The following CYYR1 variants were observed in gnomAD, a reference collection of about 807,000 sequenced individuals.
The protein encoded by CYYR1 is cysteine and tyrosine-rich protein 1.
In CYYR1, 14 loss-of-function variants were observed where a neutral mutation model predicts 15.2. That is an observed-to-expected ratio of 0.92 (90% confidence interval 0.61 to 1.44). CYYR1 has a LOEUF of 1.44. Among genes scored for constraint, CYYR1 ranks in the 40% most tolerant of loss-of-function variants. CYYR1 has a pLI of 0.00. For missense variants in CYYR1, 228 were observed against 209.5 expected, an observed-to-expected ratio of 1.09 and a Z score of -0.54; for synonymous variants, 80 against 77.4, an observed-to-expected ratio of 1.03 and a Z score of -0.18.
intron 2 of CYYR1, among the ~76,000 whole-genome samples, chr21:26,481,664 AT>A (rs2065182728): frequency 6.6e-6 from 1 of 151,872 alleles, no homozygotes. Context: ...TGTCTTTTCT[AT>A]TGTGAACAGT....
chr21:26,573,102 G>A lies in CYYR1; in HGVS notation c.-162C>T. On this transcript the variant is annotated 5_prime_UTR_variant, in exon 1 of 4. Transcript: ENST00000652641. ...AGCCTTCCAAGGGAGCCCGGGCCGG[G>A]CGCGTCCCGGGCCAGCGACTGCGGG... 6.6e-7 allele frequency: 1 copy of A among 1,519,538 alleles called. No individual in the cohort carries two copies. Among genetic ancestry groups the A allele is most frequent in the South Asian group, 1.2e-5 (1 of 82,600 alleles). 94.1% of individuals were successfully genotyped at this position (1,519,538 alleles called of 1,614,324 possible). A position where few individuals can be genotyped will look rare whatever the true frequency, so the allele number is the denominator to read the frequency against.
chr21:26,477,859 T>C, intron 3 of CYYR1: 2 of 1,238,744 alleles, frequency 1.6e-6, no homozygotes, highest in South Asian at 3.6e-5. Flanking sequence ...TCTATTTTTT[T>C]CCTTATATTC....
At chr21:26,548,000 G>T (rs111732936) in intron 2 of CYYR1, among the ~76,000 whole-genome samples, 2,479 of 152,166 alleles carry the variant, frequency 0.016, 29 homozygotes, top group Middle Eastern at 0.037. Context: ...AACCTATGGG[G>T]CTGATTCTAC....
intron 2 of CYYR1, among the ~76,000 whole-genome samples, chr21:26,514,312 G>A (rs1279702296): frequency 4.6e-5 from 7 of 152,148 alleles, no homozygotes; most frequent in Non-Finnish European, 8.8e-5. Context: ...GGTTGTGGGG[G>A]AAGATGGTTC....
chr21:26,517,571 T>C (rs456191), intron 2 of CYYR1, among the ~76,000 whole-genome samples: 1,862 of 152,316 alleles, frequency 0.012, 19 homozygotes, highest in South Asian at 0.055. Context: ...CAGTTCTTTT[T>C]TGGAGACAGA....
At chr21:26,516,971 C>T (rs970834385) in intron 2 of CYYR1, among the ~76,000 whole-genome samples, 6 of 150,322 alleles carry the variant, frequency 4.0e-5, no homozygotes, top group East Asian at 2.0e-4. Flanking sequence ...AAAAATTAGC[C>T]GGGCGTGGTA....
intron 2 of CYYR1, among the ~76,000 whole-genome samples, chr21:26,563,089 T>C (rs1195926736): frequency 1.1e-4 from 16 of 152,142 alleles, no homozygotes; most frequent in Non-Finnish European, 1.9e-4. Flanking sequence ...ATAATACTGA[T>C]TCTCCTATAC....
At chr21:26,478,939 G>T (rs1052670199) in intron 3 of CYYR1, among the ~76,000 whole-genome samples, 1 of 152,040 alleles carries the variant, frequency 6.6e-6, no homozygotes, top group African/African-American at 2.4e-5. Flanking sequence ...AGTGGACAGG[G>T]GTTTTGGGGG....
chr21:26,551,794 T>C, intron 2 of CYYR1: 1 of 268,246 alleles, frequency 3.7e-6, no homozygotes, highest in Non-Finnish European at 7.5e-6. Flanking sequence ...ACAAAGGATT[T>C]AGAATATTAC....
At chr21:26,472,013 C>A (rs2065040645) in intron 3 of CYYR1, among the ~76,000 whole-genome samples, 1 of 152,152 alleles carries the variant, frequency 6.6e-6, no homozygotes, top group Non-Finnish European at 1.5e-5. Flanking sequence ...TGGTGTTACC[C>A]AAACTATTCA....
At chr21:26,515,353 T>C (rs1486703110) in intron 2 of CYYR1, among the ~76,000 whole-genome samples, 1 of 152,126 alleles carries the variant, frequency 6.6e-6, no homozygotes, top group Non-Finnish European at 1.5e-5. Context: ...CTCTTTTTCT[T>C]TTTCTTTTCT....
intron 2 of CYYR1, among the ~76,000 whole-genome samples, chr21:26,556,267 A>AT (rs2123699851): frequency 6.6e-6 from 1 of 152,266 alleles, no homozygotes; most frequent in East Asian, 1.9e-4. Flanking sequence ...AAAATGTCAG[A>AT]TTTTTCATGT....
intron 2 of CYYR1, among the ~76,000 whole-genome samples, chr21:26,560,825 C>A (rs990748659): frequency 3.9e-5 from 6 of 152,140 alleles, no homozygotes; most frequent in African/African-American, 1.4e-4. Flanking sequence ...CTAAGCAACT[C>A]AAGGGCAGGA....
chr21:26,493,198 G>A (rs1483478273), intron 2 of CYYR1, among the ~76,000 whole-genome samples: 1 of 152,086 alleles, frequency 6.6e-6, no homozygotes, highest in African/African-American at 2.4e-5. Context: ...AGGTTTGGGT[G>A]GGGTCTTCTG....
Position 26,564,827 on chromosome 21 carries a change from T to C in CYYR1, c.176+1439A>G, listed in dbSNP as rs1043419836. 1.5e-5 allele frequency: 18 copies of C among 1,237,668 alleles called. No homozygotes were observed. The African/African-American group carries it at 2.3e-4, about 16-fold the overall frequency. 76.7% of individuals were successfully genotyped at this position (1,237,668 alleles called of 1,614,324 possible). The stretch of plus-strand genomic sequence containing the variant: ...CACCTCTACCTGGGACAGCAGCATC[T>C]GGTATGTGGAGACAGTTTGAGAAAA... On this transcript the variant is annotated intron_variant, in intron 2 of 3. Transcript: ENST00000652641.
At chr21:26,560,001 A>G (rs1980088506) in intron 2 of CYYR1, among the ~76,000 whole-genome samples, 1 of 152,122 alleles carries the variant, frequency 6.6e-6, no homozygotes, top group Admixed American at 6.6e-5. Context: ...TTTGATTGGA[A>G]TTGCACTGAA....
chr21:26,540,469 A>T (rs1019733293), intron 2 of CYYR1, among the ~76,000 whole-genome samples: 44 of 152,152 alleles, frequency 2.9e-4, no homozygotes, highest in African/African-American at 1.1e-3. Flanking sequence ...TGAGAGGGGA[A>T]ATCATGCAAA....
intron 2 of CYYR1, among the ~76,000 whole-genome samples, chr21:26,514,549 G>A (rs537251029): frequency 2.0e-5 from 3 of 152,276 alleles, no homozygotes; most frequent in South Asian, 2.1e-4. Context: ...GCAGAACCAT[G>A]AGCCAAATAA....
chr21:26,479,027 G>A (rs1017985244), intron 3 of CYYR1, among the ~76,000 whole-genome samples: 1 of 152,110 alleles, frequency 6.6e-6, no homozygotes, highest in Admixed American at 6.6e-5. Context: ...AAGTGGAGAT[G>A]TTCAATAGGC....
Sources: allele counts gnomAD v4.1 joint callset (sites outside exome capture counted in the v4.1 genomes callset), GRCh38; gene constraint gnomAD v4.1.1; transcripts MANE v1.5; gene names NCBI Gene and HGNC (gene_info 2026-07-23, HGNC 2026-07-21).